ZDHHC17: variants seen among roughly 807,000 people sequenced by gnomAD.
ZDHHC17 encodes the protein palmitoyltransferase ZDHHC17.
Under a neutral mutation model 90.3 loss-of-function variants are expected in ZDHHC17, and 40 were observed. The observed-to-expected ratio is 0.44, with a 90% confidence interval of 0.34 to 0.58. The LOEUF (loss-of-function observed/expected upper bound fraction) is 0.58. Ranked by LOEUF, ZDHHC17 falls within the 20% of genes least tolerant of loss-of-function variation. The probability of loss-of-function intolerance (pLI) is 0.01; values close to 1 mark genes in which losing one functional copy is unlikely to be tolerated. For synonymous variants in ZDHHC17, 235 were observed against 252.4 expected, an observed-to-expected ratio of 0.93 and a Z score of 0.65; for missense variants, 614 against 780.8, an observed-to-expected ratio of 0.79 and a Z score of 2.55.
At chr12:76,778,471 C>T (rs1952585988) in intron 1 of ZDHHC17, among the ~76,000 whole-genome samples, 1 of 152,182 alleles carries the variant, frequency 6.6e-6, no homozygotes, top group Non-Finnish European at 1.5e-5. Context: ...GATCTGCCTG[C>T]CTCGGCCTCC....
chr12:76,822,550 A>AT lies in ZDHHC17; in HGVS notation c.897+40dup, dbSNP rs10618043. ...TGATAAGGTAAACTCATAACTGAAGATTTTTTTTTTTTTTTTTTTTTGAGA... is the reference window on the plus strand; with the variant it reads ...TGATAAGGTAAACTCATAACTGAAGATTTTTTTTTTTTTTTTTTTTTTGAGA... On this transcript the variant is annotated intron_variant, in intron 8 of 16. Transcript: ENST00000426126. The AT allele has an allele frequency of 0.031, 36,761 of 1,204,958 alleles. 28 individuals are homozygous for AT. Among genetic ancestry groups the AT allele is most frequent in the South Asian group, 0.037 (2,376 of 65,084 alleles). 74.6% of individuals were successfully genotyped at this position (1,204,958 alleles called of 1,614,324 possible). A position where few individuals can be genotyped will look rare whatever the true frequency, so the allele number is the denominator to read the frequency against.
At chr12:76,842,228 G>T in intron 11 of ZDHHC17, 122 bp downstream of exon 11, 9 of 1,076,240 alleles carry the variant, frequency 8.4e-6, no homozygotes, top group Non-Finnish European at 1.1e-5. Context: ...AAGCTAAATT[G>T]AGATTATGTA....
rs1444415748 is a variant in ZDHHC17, at chr12:76,764,141, A to G, written c.-96A>G. The G allele has an allele frequency of 1.1e-6, 1 of 938,198 alleles. No individual in the cohort carries two copies. The highest frequency in any genetic ancestry group is 1.7e-5 in the South Asian group (1 of 60,600). The allele number at this position is 938,198 out of a possible 1,614,324, so 58.1% of individuals were successfully genotyped here. Reference sequence around the variant, plus strand: ...TCACGGGGGCAGGAGAAGAAGGAGGAGGAGGCCCGCGTCGCCTCCGGCGGG... The same window carrying G: ...TCACGGGGGCAGGAGAAGAAGGAGGGGGAGGCCCGCGTCGCCTCCGGCGGG... On this transcript the variant is annotated 5_prime_UTR_variant, in exon 1 of 17. Transcript: ENST00000426126.
rs777632702 is a variant in ZDHHC17 at position 76,826,285 on chromosome 12, T to C, written c.898-623T>C. On this transcript the variant is annotated intron_variant, in intron 8 of 16. Transcript: ENST00000426126. The stretch of plus-strand genomic sequence containing the variant: ...ACCAGGAGTTATGTAGGTTTTATAC[T>C]TACAAGTATGGACTTTAACAACCAG... 7.5e-4 allele frequency among the ~76,000 whole-genome samples: 114 copies of C among 152,148 alleles called. 2 individuals carry two copies. The highest frequency in any genetic ancestry group is 1.1e-3 in the Non-Finnish European group (78 of 68,028).
At chr12:76,815,600 G>A (rs1953077533) in intron 6 of ZDHHC17, among the ~76,000 whole-genome samples, 1 of 151,532 alleles carries the variant, frequency 6.6e-6, no homozygotes. Context: ...CCATTTCTAG[G>A]TCAAAAATAG....
At chr12:76,841,138 T>C in intron 10 of ZDHHC17, 1 of 152,242 alleles carries the variant, frequency 6.6e-6, no homozygotes, top group Admixed American at 6.5e-5. Context: ...TTCCGTCTTT[T>C]GTTTCTCCTG....
rs183730578 is a variant in ZDHHC17, at chr12:76,773,143, C to T, written c.93+8814C>T. On this transcript the variant is annotated intron_variant, in intron 1 of 16. Transcript: ENST00000426126. ...AAAGTACTGGGCTTACAGGTGTCAG[C>T]CACTGCACCCGGCGAGGTTCTTAAC... Among the ~76,000 whole-genome samples the T allele has an allele frequency of 2.4e-3, 360 of 152,308 alleles. 4 individuals are homozygous for T. The Middle Eastern group carries it at 0.031, about 13-fold the overall frequency.
In ZDHHC17 at chr12:76,827,495, G is replaced by A. The variant is rs187321501; in HGVS notation, c.1040+445G>A. On this transcript the variant is annotated intron_variant, in intron 9 of 16. Transcript: ENST00000426126. ...TCTAAGCATAGTTGTGAAGTCGGCT[G>A]AGTTTTTAAGATTATTTTCTCCCTC... 1.4e-3 allele frequency among the ~76,000 whole-genome samples: 213 copies of A among 152,236 alleles called. 1 individual carries two copies. The highest frequency in any genetic ancestry group is 4.8e-3 in the African/African-American group (200 of 41,568).
intron 2 of ZDHHC17, among the ~76,000 whole-genome samples, chr12:76,801,620 C>T (rs1407161988): frequency 1.3e-5 from 2 of 151,932 alleles, no homozygotes; most frequent in Non-Finnish European, 1.5e-5. Flanking sequence ...CGCCACTGTG[C>T]TCCAGCCTGG....
At chr12:76,824,093 T>TATA (rs1450912766) in intron 8 of ZDHHC17, among the ~76,000 whole-genome samples, 2 of 151,554 alleles carry the variant, frequency 1.3e-5, no homozygotes, top group African/African-American at 2.4e-5. Context: ...TATATGTATA[T>TATA]TCACACACAC....
intron 8 of ZDHHC17, among the ~76,000 whole-genome samples, chr12:76,823,179 G>A (rs1461004981): frequency 2.0e-5 from 3 of 152,166 alleles, no homozygotes; most frequent in African/African-American, 7.2e-5. Flanking sequence ...TTTTTCTAGT[G>A]AATGCTTGTT....
At chr12:76,847,080 T>A (rs1953503714) in intron 14 of ZDHHC17, among the ~76,000 whole-genome samples, 1 of 152,206 alleles carries the variant, frequency 6.6e-6, no homozygotes, top group Non-Finnish European at 1.5e-5. Context: ...TGCAGAGAAT[T>A]TGAAATATTT....
intron 12 of ZDHHC17, chr12:76,844,975 C>G (rs1263817641): frequency 6.6e-6 from 1 of 151,932 alleles, no homozygotes; most frequent in Admixed American, 6.6e-5. Context: ...TTTCAAAATG[C>G]TTGAAAAACA....
chr12:76,771,129 AAAT>A (rs1183162654), intron 1 of ZDHHC17, among the ~76,000 whole-genome samples: 5 of 152,176 alleles, frequency 3.3e-5, no homozygotes, highest in African/African-American at 7.2e-5. Context: ...GGAATTTGAA[AAAT>A]AATGATTCAA....
At chr12:76,767,022 AAAAAAAAAAAAAG>A (rs1267453474) in intron 1 of ZDHHC17, among the ~76,000 whole-genome samples, 1 of 151,306 alleles carries the variant, frequency 6.6e-6, no homozygotes, top group Non-Finnish European at 1.5e-5. Flanking sequence ...ATGTCTCAAA[AAAAAAAAAAAAAG>A]AAAAGAAAAG....
intron 11 of ZDHHC17, among the ~76,000 whole-genome samples, chr12:76,842,313 G>A (rs898989659): frequency 3.9e-5 from 6 of 152,084 alleles, no homozygotes; most frequent in African/African-American, 1.4e-4. Context: ...TTATAATTTC[G>A]TGTTTCTCTC....
chr12:76,772,073 A>G (rs1468683615), intron 1 of ZDHHC17, among the ~76,000 whole-genome samples: 1 of 152,196 alleles, frequency 6.6e-6, no homozygotes, highest in Non-Finnish European at 1.5e-5. Context: ...ACTATCCTAA[A>G]CAATTTTGCA....
intron 10 of ZDHHC17, among the ~76,000 whole-genome samples, chr12:76,837,569 T>C (rs1437873792): frequency 6.6e-6 from 1 of 152,226 alleles, no homozygotes; most frequent in Non-Finnish European, 1.5e-5. Context: ...TTTCAGAGGA[T>C]GTTAATCATT....
intron 8 of ZDHHC17, among the ~76,000 whole-genome samples, chr12:76,823,100 C>T (rs768609511): frequency 2.0e-5 from 3 of 152,106 alleles, no homozygotes; most frequent in Non-Finnish European, 2.9e-5. Context: ...AAATCTCCAT[C>T]GGCTACTCGT....
Sources: gnomAD v4.1 joint callset for allele counts (sites outside exome capture counted in the v4.1 genomes callset) on GRCh38, gnomAD v4.1.1 for gene constraint, MANE v1.5 for transcripts, NCBI Gene and HGNC (gene_info 2026-07-23, HGNC 2026-07-21) for gene names.